Variants in NAV3 observed in about 807,000 individuals in gnomAD.
NAV3 encodes the protein pore membrane and/or filament interacting like protein 1.
Under a neutral mutation model 244.7 loss-of-function variants are expected in NAV3, and 87 were observed. That is an observed-to-expected ratio of 0.36 (90% CI 0.30 to 0.42). NAV3 has a LOEUF of 0.42. Ranked by LOEUF, NAV3 falls within the 20% of genes least tolerant of loss-of-function variation. The pLI is 1.00. For missense variants in NAV3, 2,663 were observed against 2,893.3 expected (o/e 0.92, Z 1.83); for synonymous variants, 1,126 against 1,042.2 (o/e 1.08, Z -1.55).
chr12:77,976,684 T>G (rs569505070), intron 5 of NAV3, among the ~76,000 whole-genome samples: 1 of 133,830 alleles, frequency 7.5e-6, no homozygotes, highest in Non-Finnish European at 1.6e-5. Flanking sequence ...CTTTTTTTTT[T>G]TTTTTTTTGA....
chr12:77,766,176 G>A (rs907435804), intron 2 of NAV3, among the ~76,000 whole-genome samples: 2 of 152,144 alleles, frequency 1.3e-5, no homozygotes, highest in South Asian at 2.1e-4. Flanking sequence ...CTTAGCTCAC[G>A]TTTATCACAC....
intron 2 of NAV3, among the ~76,000 whole-genome samples, chr12:77,707,857 CT>C (rs1875902910): frequency 6.6e-6 from 1 of 152,172 alleles, no homozygotes; most frequent in African/African-American, 2.4e-5. Context: ...GCATAAATGA[CT>C]TCTTTTGAGA....
At chr12:78,156,237 A>G (rs1032431013) in intron 22 of NAV3, among the ~76,000 whole-genome samples, 1 of 152,056 alleles carries the variant, frequency 6.6e-6, no homozygotes, top group African/African-American at 2.4e-5. Context: ...TACCAGCACC[A>G]TTTATTAATT....
chr12:78,032,423 A>G (rs371806846), intron 9 of NAV3, among the ~76,000 whole-genome samples: 200 of 152,336 alleles, frequency 1.3e-3, no homozygotes, highest in South Asian at 3.7e-3. Flanking sequence ...GAAATGCATG[A>G]CACTCAATAA....
In NAV3 at chr12:77,778,552, C is replaced by T. The variant is rs568285672; in HGVS notation, c.73-161767C>T. Among the ~76,000 whole-genome samples, 113 of 147,028 alleles carry T rather than the reference C, an allele frequency of 7.7e-4. 1 individual carries two copies. The highest frequency in any genetic ancestry group is 2.8e-3 in the African/African-American group (111 of 39,496). Reference sequence around the variant, plus strand: ...GCGTGAACTCAGGAGACAGAGCTTGCAGTGAACTGAGATCGCGCCACTGCA... The same window carrying T: ...GCGTGAACTCAGGAGACAGAGCTTGTAGTGAACTGAGATCGCGCCACTGCA... On this transcript the variant is annotated intron_variant, in intron 2 of 8. Coordinates refer to the NAV3 transcript ENST00000550042.
At chr12:77,738,149 T>A (rs1877411893) in intron 2 of NAV3, among the ~76,000 whole-genome samples, 1 of 152,242 alleles carries the variant, frequency 6.6e-6, no homozygotes, top group African/African-American at 2.4e-5. Context: ...AATTGGATTC[T>A]GGATGGCAAG....
intron 2 of NAV3, among the ~76,000 whole-genome samples, chr12:77,608,291 G>A (rs770835293): frequency 2.0e-5 from 3 of 152,038 alleles, no homozygotes; most frequent in Admixed American, 6.6e-5. Context: ...GGAAAGATGT[G>A]CAATCTCATT....
intron 2 of NAV3, among the ~76,000 whole-genome samples, chr12:77,780,145 G>T (rs892171294): frequency 6.6e-6 from 1 of 152,076 alleles, no homozygotes; most frequent in Non-Finnish European, 1.5e-5. Flanking sequence ...GGAGCGAGGC[G>T]CACGGGTGAG....
intron 2 of NAV3, among the ~76,000 whole-genome samples, chr12:77,791,546 T>A (rs1472159317): frequency 6.6e-6 from 1 of 152,144 alleles, no homozygotes; most frequent in African/African-American, 2.4e-5. Flanking sequence ...ATTTAAACCA[T>A]ATAACTCCCC....
At chr12:78,184,989 T>C (rs568571496) in intron 30 of NAV3, among the ~76,000 whole-genome samples, 14 of 151,992 alleles carry the variant, frequency 9.2e-5, no homozygotes, top group African/African-American at 3.1e-4. Flanking sequence ...TCTGTAACTC[T>C]TAGCTGATTA....
At chr12:78,205,219 G>A (rs1177196226) in intron 39 of NAV3, 81 bp downstream of exon 39, 1 of 1,390,704 alleles carries the variant, frequency 7.2e-7, no homozygotes, top group East Asian at 2.5e-5. Context: ...TTCTAGCGAA[G>A]ACATTTGTTA....
Position 78,188,842 on chromosome 12 carries a change from G to A in NAV3, c.6055+65G>A, listed in dbSNP as rs988731585. ...TTAGCAACATTTTATTCTGCCCCCC[G>A]CCCCTTTTTGGCCAGTTTCCCTTAA... On this transcript the variant is annotated intron_variant, in intron 33 of 39. Transcript: ENST00000397909. 1.2e-4 allele frequency: 184 copies of A among 1,481,484 alleles called. 2 individuals are homozygous for A. In the South Asian group the frequency reaches 1.6e-3, roughly 13 times the overall value. The allele number at this position is 1,481,484 out of a possible 1,614,324, so 91.8% of individuals were successfully genotyped here.
At chr12:77,778,369 C>A (rs1290118008) in intron 2 of NAV3, among the ~76,000 whole-genome samples, 1 of 151,232 alleles carries the variant, frequency 6.6e-6, no homozygotes, top group Non-Finnish European at 1.5e-5. Context: ...TCCCAGCACT[C>A]TGGGAGGCCA....
At chr12:77,960,193 C>T (rs1593120740) in intron 3 of NAV3, among the ~76,000 whole-genome samples, 1 of 151,838 alleles carries the variant, frequency 6.6e-6, no homozygotes, top group Admixed American at 6.6e-5. Context: ...TAAGTCAGCT[C>T]ATCAGGGTCA....
chr12:77,800,632 T>C (rs1354077887), intron 2 of NAV3, among the ~76,000 whole-genome samples: 1 of 152,208 alleles, frequency 6.6e-6, no homozygotes, highest in Non-Finnish European at 1.5e-5. Flanking sequence ...TTTACTGTTC[T>C]ACTTAGAATT....
chr12:77,893,647 C>A (rs1884226885), intron 1 of NAV3, among the ~76,000 whole-genome samples: 1 of 150,922 alleles, frequency 6.6e-6, no homozygotes, highest in Admixed American at 6.6e-5. Flanking sequence ...TTCTGACTTT[C>A]AAGGATGAGT....
intron 18 of NAV3, among the ~76,000 whole-genome samples, chr12:78,132,378 GT>G (rs1956202146): frequency 6.6e-6 from 1 of 152,078 alleles, no homozygotes; most frequent in Non-Finnish European, 1.5e-5. Flanking sequence ...TAGGATGTGG[GT>G]TTCCCCCCTT....
At chr12:77,897,792 C>T (rs1246244242) in intron 1 of NAV3, among the ~76,000 whole-genome samples, 1 of 151,842 alleles carries the variant, frequency 6.6e-6, no homozygotes, top group Non-Finnish European at 1.5e-5. Flanking sequence ...GCTTGCTACC[C>T]AAAGCATTGT....
intron 30 of NAV3, among the ~76,000 whole-genome samples, chr12:78,183,552 T>C (rs1958587464): frequency 6.6e-6 from 1 of 151,922 alleles, no homozygotes; most frequent in Non-Finnish European, 1.5e-5. Context: ...CTGGCTTGGA[T>C]GAATCCAGGA....
Sources: allele counts gnomAD v4.1 joint callset (sites outside exome capture counted in the v4.1 genomes callset), GRCh38; gene constraint gnomAD v4.1.1; transcripts MANE v1.5; gene names NCBI Gene and HGNC (gene_info 2026-07-23, HGNC 2026-07-21).